MCF2L2: variants seen among roughly 807,000 people sequenced by gnomAD.
MCF2L2 encodes the protein MCF.2 cell line derived transforming sequence-like 2, also known as probable guanine nucleotide exchange factor MCF2L2.
In MCF2L2, 102 loss-of-function variants were observed where a neutral mutation model predicts 150.2. The ratio of observed to expected loss-of-function variants is 0.68; its 90% confidence interval spans 0.58 to 0.80. MCF2L2 has a LOEUF of 0.80. Ranked by LOEUF, MCF2L2 falls within the 30% of genes least tolerant of loss-of-function variation. The pLI, the probability that MCF2L2 is intolerant of heterozygous loss-of-function variation, is 0.00. For synonymous variants in MCF2L2, 465 were observed against 491.3 expected (o/e 0.95, Z 0.71); for missense variants, 1,256 against 1,372.8 (o/e 0.91, Z 1.34).
At chr3:183,192,163 CAG>C (rs1226034703) in intron 27 of MCF2L2, among the ~76,000 whole-genome samples, 1 of 151,262 alleles carries the variant, frequency 6.6e-6, no homozygotes, top group Non-Finnish European at 1.5e-5. Context: ...TTTTTTCAGA[CAG>C]AGTCTCACTC....
intron 5 of MCF2L2, among the ~76,000 whole-genome samples, chr3:183,332,062 ATAATATAAGAGAGGCTAGGAAGC>A (rs934530345): frequency 1.3e-5 from 2 of 152,206 alleles, no homozygotes; most frequent in African/African-American, 4.8e-5. Context: ...GGAAGATGTT[ATAATATAAGAGAGGCTAGGAAGC>A]TACAAAGTAA....
At chr3:183,376,305 T>G (rs1230400936) in intron 3 of MCF2L2, 1 of 152,220 alleles carries the variant, frequency 6.6e-6, no homozygotes, top group African/African-American at 2.4e-5. Context: ...AGGAAAATCC[T>G]CCATTTAACT....
At chr3:183,202,184 C>A (rs945667499) in intron 25 of MCF2L2, among the ~76,000 whole-genome samples, 1 of 152,144 alleles carries the variant, frequency 6.6e-6, no homozygotes, top group Non-Finnish European at 1.5e-5. Flanking sequence ...AATACCTGAC[C>A]TGCAAGTCTG....
intron 3 of MCF2L2, among the ~76,000 whole-genome samples, chr3:183,363,773 T>TC (rs1464958820): frequency 6.6e-6 from 1 of 152,150 alleles, no homozygotes; most frequent in Non-Finnish European, 1.5e-5. Flanking sequence ...TATACTACTT[T>TC]AAGTACAAGA....
intron 15 of MCF2L2, among the ~76,000 whole-genome samples, chr3:183,255,824 AAAAAG>A (rs1724995555): frequency 6.6e-6 from 1 of 151,500 alleles, no homozygotes; most frequent in African/African-American, 2.4e-5. Flanking sequence ...AAAAAAAAAG[AAAAAG>A]AAAACTTTCT....
chr3:183,191,469 C>T (rs935071934), intron 27 of MCF2L2, among the ~76,000 whole-genome samples: 21 of 151,980 alleles, frequency 1.4e-4, no homozygotes, highest in African/African-American at 4.8e-4. Flanking sequence ...CTTCCAAGAT[C>T]CCCAGTGGAT....
chr3:183,291,787 G>A (rs768652415), intron 13 of MCF2L2, among the ~76,000 whole-genome samples: 6 of 152,228 alleles, frequency 3.9e-5, no homozygotes, highest in Non-Finnish European at 7.3e-5. Context: ...ATGACAACCT[G>A]TTCAGACTTG....
chr3:183,240,411 G>T (rs916267108), intron 15 of MCF2L2, among the ~76,000 whole-genome samples: 1 of 152,164 alleles, frequency 6.6e-6, no homozygotes, highest in African/African-American at 2.4e-5. Flanking sequence ...TGTATTAGGG[G>T]TTTTACCATG....
At chr3:183,292,217 C>T (rs1728192549) in intron 13 of MCF2L2, among the ~76,000 whole-genome samples, 1 of 152,018 alleles carries the variant, frequency 6.6e-6, no homozygotes, top group East Asian at 1.9e-4. Context: ...TGGAGAATTA[C>T]CAAAACACCC....
At chr3:183,387,932 A>G in intron 2 of MCF2L2, among the ~76,000 whole-genome samples, 1 of 26,520 alleles carries the variant, frequency 3.8e-5, no homozygotes, top group African/African-American at 5.6e-5. Context: ...ACTCCATCTC[A>G]AAAAAAAAAA....
At chr3:183,354,476 C>A (rs1267203880) in intron 3 of MCF2L2, among the ~76,000 whole-genome samples, 4 of 151,830 alleles carry the variant, frequency 2.6e-5, no homozygotes, top group Admixed American at 6.6e-5. Context: ...CCACAACCTG[C>A]ACCCTCCCAC....
chr3:183,417,020 G>A (rs956113969), intron 1 of MCF2L2, among the ~76,000 whole-genome samples: 2 of 145,740 alleles, frequency 1.4e-5, no homozygotes, highest in East Asian at 2.1e-4. Context: ...GCTGAGGCAG[G>A]AGAATCATTT....
intron 3 of MCF2L2, chr3:183,378,719 G>A (rs1283819536): frequency 6.6e-6 from 1 of 152,028 alleles, no homozygotes; most frequent in African/African-American, 2.4e-5. Flanking sequence ...ATAACCTTTA[G>A]CTAAAGCAAC....
At chr3:183,310,456 C>T (rs377312798) in intron 9 of MCF2L2, 4 of 192,916 alleles carry the variant, frequency 2.1e-5, no homozygotes, top group African/African-American at 4.8e-5. Context: ...GAGCTGAGAT[C>T]GCGCCATTGC....
In MCF2L2 at chr3:183,278,418, C is replaced by A. The variant is rs116581617; in HGVS notation, c.1777-1461G>T. ...TCCCAGGATTCAAATTCGAACCAGT[C>A]CCAGTCAAATTCAATCTAATTATTT... On this transcript the variant is annotated intron_variant, in intron 14 of 29. Coordinates refer to ENST00000328913, the MANE Select transcript of MCF2L2 (RefSeq NM_015078.4). Among the ~76,000 whole-genome samples the A allele has an allele frequency of 4.6e-3, 696 of 151,824 alleles. 5 individuals are homozygous for A. The highest frequency in any genetic ancestry group is 0.014 in the African/African-American group (595 of 41,398).
chr3:183,245,184 G>A (rs189740282), intron 15 of MCF2L2, among the ~76,000 whole-genome samples: 1 of 152,226 alleles, frequency 6.6e-6, no homozygotes, highest in African/African-American at 2.4e-5. Flanking sequence ...TGAAACAAAG[G>A]TCACAAGACT....
intron 22 of MCF2L2, among the ~76,000 whole-genome samples, chr3:183,214,509 G>T (rs1722842580): frequency 6.6e-6 from 1 of 151,896 alleles, no homozygotes. Flanking sequence ...TCATTTTTCG[G>T]ACCTTAATAA....
intron 11 of MCF2L2, chr3:183,298,794 C>CACACACACACACACACACACACACACACA (rs1728690044): frequency 3.3e-5 from 5 of 150,318 alleles, no homozygotes; most frequent in African/African-American, 9.8e-5. Flanking sequence ...CACACACACA[C>CACACACACACACACACACACACACACACA]CAGGCTTATA....
intron 15 of MCF2L2, chr3:183,271,776 TGTTTAA>T (rs1240666428): frequency 1.2e-5 from 2 of 166,996 alleles, no homozygotes; most frequent in Non-Finnish European, 1.5e-5. Context: ...TATTGGTCTG[TGTTTAA>T]GTTTGTTATT....
Sources: allele counts gnomAD v4.1 joint callset (sites outside exome capture counted in the v4.1 genomes callset), GRCh38; gene constraint gnomAD v4.1.1; transcripts MANE v1.5; gene names NCBI Gene and HGNC (gene_info 2026-07-23, HGNC 2026-07-21).